The following LARGE1 variants were observed in gnomAD, a reference collection of about 807,000 sequenced individuals.
The protein encoded by LARGE1 is LARGE xylosyl- and glucuronyltransferase 1.
Under a neutral mutation model 87.6 loss-of-function variants are expected in LARGE1, and 43 were observed. The ratio of observed to expected loss-of-function variants is 0.49; its 90% CI spans 0.38 to 0.63. The LOEUF (loss-of-function observed/expected upper bound fraction) is 0.63. Ranked by LOEUF, LARGE1 falls within the 30% of genes least tolerant of loss-of-function variation. LARGE1 has a pLI of 0.00. For missense variants in LARGE1, 802 were observed against 1,000.2 expected (o/e 0.80, Z 2.67); for synonymous variants, 434 against 394.6 (o/e 1.10, Z -1.18).
At chr22:33,149,205 TA>T in the LARGE1 span, among the ~76,000 whole-genome samples, 2 of 119,230 alleles carry the variant, frequency 1.7e-5, no homozygotes, top group African/African-American at 5.7e-5. Context: ...CCCGGCTAAT[TA>T]TTTTTTTAAT....
rs140784275 is a variant in LARGE1 at position 33,206,372 on chromosome 22, G to A, written c.1731-39540C>T. ...CTCCCAAAGTGTTGGGATTACAGGC[G>A]TGAGCCACCGTGACTGACCAAATTG... On this transcript the variant is annotated intron_variant, in intron 11 of 11. Coordinates refer to the LARGE1 transcript ENST00000608642. Among the ~76,000 whole-genome samples the A allele has an allele frequency of 1.2e-3, 180 of 152,256 alleles. 1 individual carries two copies. Among genetic ancestry groups the A allele is most frequent in the African/African-American group, 4.1e-3 (169 of 41,544 alleles).
chr22:33,749,462 T>G (rs755528993), intron 2 of LARGE1, among the ~76,000 whole-genome samples: 1 of 152,114 alleles, frequency 6.6e-6, no homozygotes, highest in Non-Finnish European at 1.5e-5. Context: ...TGATGTTGAG[T>G]AACTTGTCTA....
Position 33,604,567 on chromosome 22 carries a change from A to G in LARGE1, c.492-9T>C. 2 of 1,613,950 alleles carry G rather than the reference A, an allele frequency of 1.2e-6. No homozygotes were observed. Among genetic ancestry groups the G allele is most frequent in the Non-Finnish European group, 1.7e-6 (2 of 1,179,888 alleles). Reference sequence around the variant, plus strand: ...AGTGCAGAGGGTTCCGTCTGTGGGGAGTGTGAGAAGGAAGGGTCAGGTGGA... The same window carrying G: ...AGTGCAGAGGGTTCCGTCTGTGGGGGGTGTGAGAAGGAAGGGTCAGGTGGA... On this transcript the variant is annotated splice_polypyrimidine_tract_variant and intron_variant, in intron 4 of 14. Coordinates refer to ENST00000397394, the MANE Select transcript of LARGE1 (RefSeq NM_133642.5).
chr22:33,279,544 A>G (rs1930029595), intron 13 of LARGE1, among the ~76,000 whole-genome samples: 1 of 152,188 alleles, frequency 6.6e-6, no homozygotes, highest in Admixed American at 6.5e-5. Context: ...GCACTGGCCA[A>G]TGGGTGGGCT....
chr22:33,191,551 A>G (rs1923780763), intron 11 of LARGE1, among the ~76,000 whole-genome samples: 1 of 152,198 alleles, frequency 6.6e-6, no homozygotes, highest in African/African-American at 2.4e-5. Context: ...AGATAAATTT[A>G]GAACTAAAAG....
At chr22:33,547,036 T>C (rs1309974096) in intron 6 of LARGE1, among the ~76,000 whole-genome samples, 1 of 144,316 alleles carries the variant, frequency 6.9e-6, no homozygotes, top group Admixed American at 7.4e-5. Context: ...TATTTAGTAT[T>C]ATTTAACCTT....
At chr22:33,787,352 T>C (rs2085681319) in intron 1 of LARGE1, among the ~76,000 whole-genome samples, 1 of 152,326 alleles carries the variant, frequency 6.6e-6, no homozygotes, top group Non-Finnish European at 1.5e-5. Flanking sequence ...CAGGACATTT[T>C]CCCTACGCTC....
intron 6 of LARGE1, among the ~76,000 whole-genome samples, chr22:33,451,764 G>A (rs187818512): frequency 6.6e-6 from 1 of 152,120 alleles, no homozygotes; most frequent in African/African-American, 2.4e-5. Flanking sequence ...TCACCATGTT[G>A]GGCAGGATGG....
chr22:33,735,222 T>C (rs2083612134), intron 2 of LARGE1, among the ~76,000 whole-genome samples: 1 of 152,180 alleles, frequency 6.6e-6, no homozygotes, highest in Non-Finnish European at 1.5e-5. Flanking sequence ...TCCCATGTAT[T>C]TGATATTTGC....
At chr22:33,352,030 G>A (rs1940438138) in intron 9 of LARGE1, among the ~76,000 whole-genome samples, 1 of 152,090 alleles carries the variant, frequency 6.6e-6, no homozygotes, top group Non-Finnish European at 1.5e-5. Context: ...AGCCCCCAAG[G>A]CCTGGCAAAA....
chr22:33,566,928 C>T (rs962175419), intron 5 of LARGE1, among the ~76,000 whole-genome samples: 1 of 152,160 alleles, frequency 6.6e-6, no homozygotes. Context: ...CTGGCTTCAC[C>T]TCTCATCAAT....
chr22:33,579,006 T>C (rs1378674133), intron 5 of LARGE1, among the ~76,000 whole-genome samples: 2 of 152,148 alleles, frequency 1.3e-5, no homozygotes, highest in South Asian at 2.1e-4. Flanking sequence ...AACACCAAAA[T>C]ACAAAGCAGG....
intron 6 of LARGE1, among the ~76,000 whole-genome samples, chr22:33,481,885 G>C (rs2069346224): frequency 6.6e-6 from 1 of 152,114 alleles, no homozygotes; most frequent in South Asian, 2.1e-4. Flanking sequence ...ATAAAATTTT[G>C]AGTGACATAC....
At chr22:33,539,792 C>G (rs896743894) in intron 6 of LARGE1, among the ~76,000 whole-genome samples, 1 of 152,042 alleles carries the variant, frequency 6.6e-6, no homozygotes, top group African/African-American at 2.4e-5. Context: ...GTTGCCCAGG[C>G]TGGTCTCAAA....
the LARGE1 span, among the ~76,000 whole-genome samples, chr22:33,097,450 G>C: frequency 7.2e-5 from 11 of 152,176 alleles, no homozygotes; most frequent in Non-Finnish European, 1.3e-4. Context: ...ACAGCCGTAA[G>C]GTGCACATCC....
At chr22:33,445,174 T>C (rs988549763) in intron 6 of LARGE1, among the ~76,000 whole-genome samples, 3 of 152,182 alleles carry the variant, frequency 2.0e-5, no homozygotes, top group Admixed American at 6.5e-5. Flanking sequence ...GATTAGGGCC[T>C]ATCTTCATGT....
intron 1 of LARGE1, among the ~76,000 whole-genome samples, chr22:33,851,522 C>T (rs1343387423): frequency 6.6e-6 from 1 of 152,220 alleles, no homozygotes; most frequent in African/African-American, 2.4e-5. Context: ...CACATTTCTA[C>T]AGTGATGCCT....
intron 11 of LARGE1, among the ~76,000 whole-genome samples, chr22:33,195,979 C>T (rs201497732): frequency 3.3e-5 from 5 of 151,382 alleles, no homozygotes; most frequent in Admixed American, 2.6e-4. Flanking sequence ...AGGATGGTCT[C>T]GATCTCCTGA....
At chr22:33,282,123 T>C (rs1930555236) in intron 13 of LARGE1, among the ~76,000 whole-genome samples, 1 of 152,086 alleles carries the variant, frequency 6.6e-6, no homozygotes, top group Non-Finnish European at 1.5e-5. Context: ...GGCAGGTGGA[T>C]CACCTGAGGT....
Sources: allele counts gnomAD v4.1 joint callset (sites outside exome capture counted in the v4.1 genomes callset), GRCh38; gene constraint gnomAD v4.1.1; transcripts MANE v1.5; gene names NCBI Gene and HGNC (gene_info 2026-07-23, HGNC 2026-07-21).